LCLAT1: variants seen among roughly 807,000 people sequenced by gnomAD.
The protein encoded by LCLAT1 is lysocardiolipin acyltransferase 1.
In LCLAT1, 11 loss-of-function variants were observed where a neutral mutation model predicts 30.7. The observed-to-expected ratio is 0.36, with a 90% confidence interval of 0.23 to 0.59. The LOEUF is 0.59. LCLAT1 is among the 20% of genes least tolerant of loss of function. The pLI is 0.77. For missense variants in LCLAT1, 402 were observed against 458.6 expected (o/e 0.88, Z 1.13); for synonymous variants, 155 against 151.3 (o/e 1.02, Z -0.18).
Position 30,628,295 on chromosome 2 carries a change from G to A in LCLAT1, c.629-11822G>A, listed in dbSNP as rs550820553. On this transcript the variant is annotated intron_variant, in intron 5 of 5. Transcript: ENST00000379509. ...AGATTTGAGCAAAAGGAAAGAAAAA[G>A]CATACCATTTTCTTGGTTGAGAAGA... 3.3e-5 allele frequency among the ~76,000 whole-genome samples: 5 copies of A among 152,300 alleles called. No individual in the cohort carries two copies. The East Asian group carries it at 7.7e-4, about 23-fold the overall frequency.
intron 5 of LCLAT1, among the ~76,000 whole-genome samples, chr2:30,625,185 T>C (rs930147209): frequency 6.6e-6 from 1 of 152,008 alleles, no homozygotes; most frequent in African/African-American, 2.4e-5. Flanking sequence ...CTCAAAGAAC[T>C]AGAGAAACAA....
intron 1 of LCLAT1, among the ~76,000 whole-genome samples, chr2:30,465,285 T>A (rs1187506565): frequency 2.0e-5 from 3 of 151,976 alleles, no homozygotes; most frequent in Non-Finnish European, 4.4e-5. Flanking sequence ...AGGTAGAGAT[T>A]TGAGTGTTAA....
At chr2:30,457,330 T>A (rs1055120922) in intron 1 of LCLAT1, among the ~76,000 whole-genome samples, 2 of 152,212 alleles carry the variant, frequency 1.3e-5, no homozygotes, top group Non-Finnish European at 2.9e-5. Flanking sequence ...GGAAAATTTG[T>A]GAAAGTCTGA....
chr2:30,537,483 A>C (rs1663839094), intron 3 of LCLAT1, among the ~76,000 whole-genome samples: 1 of 149,844 alleles, frequency 6.7e-6, no homozygotes, highest in Non-Finnish European at 1.5e-5. Flanking sequence ...TATAGTGATA[A>C]AGGGATCAAT....
At chr2:30,570,632 G>A (rs1665738091) in intron 5 of LCLAT1, among the ~76,000 whole-genome samples, 1 of 152,176 alleles carries the variant, frequency 6.6e-6, no homozygotes, top group African/African-American at 2.4e-5. Context: ...GTTGCTGCTT[G>A]TATTTATAGT....
chr2:30,572,866 A>G, intron 5 of LCLAT1, among the ~76,000 whole-genome samples: 1 of 151,252 alleles, frequency 6.6e-6, no homozygotes, highest in Admixed American at 6.6e-5. Flanking sequence ...CATTTCTCTA[A>G]TCTTTAAAAA....
Position 30,447,294 on chromosome 2 carries a change from G to T in LCLAT1, c.-94G>T, listed in dbSNP as rs1233532407. On this transcript the variant is annotated 5_prime_UTR_variant, in exon 1 of 6. Coordinates refer to ENST00000379509, the MANE Select transcript of LCLAT1 (RefSeq NM_001002257.3). ...CCGCGTTACGGGATGAATTAACGGCGGGTTCCGCACGGAGGTTGTGACCCC... is the reference window on the plus strand; with the variant it reads ...CCGCGTTACGGGATGAATTAACGGCTGGTTCCGCACGGAGGTTGTGACCCC... 6.6e-6 allele frequency: 1 copy of T among 151,872 alleles called. No individual in the cohort carries two copies. The highest frequency in any genetic ancestry group is 1.5e-5 in the Non-Finnish European group (1 of 67,942). 9.4% of individuals were successfully genotyped at this position (151,872 alleles called of 1,614,324 possible).
chr2:30,611,707 T>C (rs1667746806), intron 5 of LCLAT1, among the ~76,000 whole-genome samples: 1 of 152,154 alleles, frequency 6.6e-6, no homozygotes. Context: ...GTCTGGGCTC[T>C]GGGCATAGCA....
At chr2:30,606,037 G>A in intron 5 of LCLAT1, 1 of 1,298,820 alleles carries the variant, frequency 7.7e-7, no homozygotes, top group Non-Finnish European at 1.0e-6. Context: ...AGCGAGGGAA[G>A]TAAAGGACCA....
At chr2:30,454,059 T>C (rs967042027) in intron 1 of LCLAT1, among the ~76,000 whole-genome samples, 1 of 152,244 alleles carries the variant, frequency 6.6e-6, no homozygotes. Flanking sequence ...TAAAATATAC[T>C]GTACTTGTGT....
In LCLAT1 at chr2:30,541,776, T is replaced by G. The variant is rs537595698; in HGVS notation, c.364+8462T>G. Among the ~76,000 whole-genome samples the G allele has an allele frequency of 2.2e-4, 33 of 152,332 alleles. 1 individual carries two copies. In the South Asian group the frequency reaches 5.6e-3, roughly 26 times the overall value. ...GCACCCAAACCCCTGGATAATATGG[T>G]AAATGTGTGTGTAACTTTGTAACTT... On this transcript the variant is annotated intron_variant, in intron 3 of 5. Transcript: ENST00000379509.
At chr2:30,568,029 A>G (rs770216066) in intron 4 of LCLAT1, 31 bp from the exon 5 acceptor site, 1 of 1,144,314 alleles carries the variant, frequency 8.7e-7, no homozygotes, top group East Asian at 2.4e-5. Flanking sequence ...CCTTTAGTTT[A>G]TGATTTATAA....
At chr2:30,544,428 T>C (rs953616061) in intron 3 of LCLAT1, among the ~76,000 whole-genome samples, 2 of 152,240 alleles carry the variant, frequency 1.3e-5, no homozygotes, top group Non-Finnish European at 2.9e-5. Context: ...TTTCTCTTTA[T>C]GCAATACAGG....
chr2:30,576,074 T>C (rs1393429237), intron 5 of LCLAT1, among the ~76,000 whole-genome samples: 1 of 152,194 alleles, frequency 6.6e-6, no homozygotes, highest in Non-Finnish European at 1.5e-5. Context: ...TTATATACAG[T>C]TGTATTTTAC....
intron 5 of LCLAT1, among the ~76,000 whole-genome samples, chr2:30,602,331 T>C (rs1449805900): frequency 1.3e-5 from 2 of 152,210 alleles, no homozygotes; most frequent in African/African-American, 4.8e-5. Context: ...GGAGGAGTTA[T>C]AGTTCACTCC....
chr2:30,537,588 A>T (rs1196508782), intron 3 of LCLAT1, among the ~76,000 whole-genome samples: 3 of 151,928 alleles, frequency 2.0e-5, no homozygotes, highest in African/African-American at 7.3e-5. Flanking sequence ...TATAAAGCAA[A>T]TACTGTTAGA....
intron 3 of LCLAT1, among the ~76,000 whole-genome samples, chr2:30,542,453 A>G (rs1558508375): frequency 6.6e-6 from 1 of 152,152 alleles, no homozygotes; most frequent in Non-Finnish European, 1.5e-5. Context: ...CAACTAACTT[A>G]ACACCTTTTT....
chr2:30,579,459 TAACA>T (rs1369766286), intron 5 of LCLAT1, among the ~76,000 whole-genome samples: 1 of 152,178 alleles, frequency 6.6e-6, no homozygotes, highest in Non-Finnish European at 1.5e-5. Flanking sequence ...TAAAAATGTA[TAACA>T]AACACATCCT....
At chr2:30,500,685 G>A (rs1268567267) in intron 1 of LCLAT1, among the ~76,000 whole-genome samples, 1 of 152,146 alleles carries the variant, frequency 6.6e-6, no homozygotes, top group Non-Finnish European at 1.5e-5. Flanking sequence ...GTGAAGAACC[G>A]ATTGTAAGAG....
Sources: gnomAD v4.1 joint callset for allele counts (sites outside exome capture counted in the v4.1 genomes callset) on GRCh38, gnomAD v4.1.1 for gene constraint, MANE v1.5 for transcripts, NCBI Gene and HGNC (gene_info 2026-07-23, HGNC 2026-07-21) for gene names.